The following PCNX2 variants were observed in gnomAD, a reference collection of about 807,000 sequenced individuals.
The protein encoded by PCNX2 is pecanex 2.
Under a neutral mutation model 223.8 loss-of-function variants are expected in PCNX2, and 168 were observed. That is an observed-to-expected ratio of 0.75 (90% CI 0.66 to 0.85). The LOEUF is 0.85. Ranked by LOEUF, PCNX2 falls within the 40% of genes least tolerant of loss-of-function variation. The pLI, the probability that PCNX2 is intolerant of heterozygous loss-of-function variation, is 0.00. For synonymous variants in PCNX2, 1,006 were observed against 1,052.6 expected (o/e 0.96, Z 0.86); for missense variants, 2,507 against 2,675.5 (o/e 0.94, Z 1.39).
intron 15 of PCNX2, among the ~76,000 whole-genome samples, chr1:233,195,092 A>G (rs960557641): frequency 1.3e-5 from 2 of 152,164 alleles, no homozygotes; most frequent in African/African-American, 2.4e-5. Context: ...TTGGTAAATA[A>G]TATTGAGCAA....
chr1:233,108,388 A>C (rs973627685), intron 21 of PCNX2, among the ~76,000 whole-genome samples: 35 of 152,222 alleles, frequency 2.3e-4, no homozygotes, highest in African/African-American at 8.0e-4. Context: ...GATGCAACCA[A>C]AGCTGGTGGG....
chr1:233,125,663 T>G (rs200837861), intron 21 of PCNX2, among the ~76,000 whole-genome samples: 1 of 152,086 alleles, frequency 6.6e-6, no homozygotes, highest in East Asian at 1.9e-4. Flanking sequence ...ACACAAAACG[T>G]CAATGAGACT....
At position 233,295,707 on chromosome 1, in the gene PCNX2, A is replaced by G. The variant is rs1662053700; in HGVS notation, c.-229T>C. On this transcript the variant is annotated 5_prime_UTR_variant, in exon 1 of 34. Transcript: ENST00000258229. The surrounding 1 kb of genome is among the most constrained non-coding windows in gnomAD (Gnocchi z 4.1). The stretch of plus-strand genomic sequence containing the variant: ...GCCGGCTGCTGCGGCCGGGCAGGTG[A>G]GCGCCATGTCCGAGGGAGGAAGGAT... The G allele has an allele frequency of 2.4e-6, 1 of 411,196 alleles. No homozygotes were observed. Among genetic ancestry groups the G allele is most frequent in the Non-Finnish European group, 4.1e-6 (1 of 244,174 alleles). 25.5% of individuals were successfully genotyped at this position (411,196 alleles called of 1,614,324 possible). A position where few individuals can be genotyped will look rare whatever the true frequency, so the allele number is the denominator to read the frequency against.
intron 1 of PCNX2, among the ~76,000 whole-genome samples, chr1:233,263,451 C>T (rs1660166013): frequency 7.4e-6 from 1 of 135,490 alleles, no homozygotes; most frequent in Non-Finnish European, 1.6e-5. Context: ...GAAACCTCTC[C>T]ATTTTTTTTT....
chr1:233,261,236 C>A (rs763861629), intron 4 of PCNX2, 49 bp downstream of exon 4: 4 of 1,503,044 alleles, frequency 2.7e-6, no homozygotes, highest in Non-Finnish European at 3.7e-6. Context: ...ATATTTCTCA[C>A]TTCACTGAGG....
chr1:233,104,391 C>A (rs1461287673), intron 21 of PCNX2, among the ~76,000 whole-genome samples: 1 of 151,816 alleles, frequency 6.6e-6, no homozygotes, highest in African/African-American at 2.4e-5. Context: ...TAATAGTAAG[C>A]AAAATATTGA....
intron 25 of PCNX2, among the ~76,000 whole-genome samples, chr1:233,040,866 A>C (rs1212545076): frequency 1.3e-5 from 2 of 152,212 alleles, no homozygotes; most frequent in East Asian, 3.8e-4. Flanking sequence ...TTTGATTATC[A>C]AAAAATTGCT....
rs71173263 is a variant in PCNX2, at chr1:233,265,093, A to AG, written c.154-1931_154-1930insC. ...CCTCCGATCTCTACAAAATTTAAAA[A>AG]TTAGCCAGGTGTGGTGGCATGCACC... On this transcript the variant is annotated intron_variant, in intron 1 of 33. Coordinates refer to ENST00000258229, the MANE Select transcript of PCNX2 (RefSeq NM_014801.4). 1.1e-3 allele frequency among the ~76,000 whole-genome samples: 171 copies of AG among 151,910 alleles called. No homozygotes were observed. The East Asian group carries it at 0.021, about 19-fold the overall frequency.
At chr1:233,311,200 A>G in the PCNX2 span, among the ~76,000 whole-genome samples, 1 of 152,200 alleles carries the variant, frequency 6.6e-6, no homozygotes, top group Non-Finnish European at 1.5e-5. Flanking sequence ...AGTATTACCT[A>G]CCATAACTAA....
chr1:233,052,476 C>T (rs552692050), intron 25 of PCNX2, among the ~76,000 whole-genome samples: 74 of 152,336 alleles, frequency 4.9e-4, no homozygotes, highest in African/African-American at 1.6e-3. Context: ...ATCACATCTG[C>T]TGCTCCTTAG....
intron 25 of PCNX2, among the ~76,000 whole-genome samples, chr1:233,053,709 G>A (rs976912060): frequency 6.6e-6 from 1 of 152,094 alleles, no homozygotes; most frequent in Admixed American, 6.5e-5. Flanking sequence ...CCTCATTTGC[G>A]GGAAAACTGG....
intron 15 of PCNX2, among the ~76,000 whole-genome samples, chr1:233,185,904 A>G (rs1234891449): frequency 6.6e-6 from 1 of 152,166 alleles, no homozygotes; most frequent in Non-Finnish European, 1.5e-5. Flanking sequence ...CAGGTTTTGA[A>G]ATATTTTTAT....
chr1:233,137,409 T>C (rs1676873908), intron 20 of PCNX2, among the ~76,000 whole-genome samples: 1 of 152,248 alleles, frequency 6.6e-6, no homozygotes, highest in South Asian at 2.1e-4. Context: ...TGCACTGAAT[T>C]GGAATATATG....
intron 19 of PCNX2, among the ~76,000 whole-genome samples, chr1:233,149,462 G>GCA (rs11387220): frequency 6.6e-6 from 1 of 152,032 alleles, no homozygotes; most frequent in East Asian, 1.9e-4. Flanking sequence ...ATTTCAGTGG[G>GCA]GGTGAGGCTT....
intron 28 of PCNX2, among the ~76,000 whole-genome samples, chr1:233,008,553 G>A (rs1164766456): frequency 2.6e-5 from 4 of 152,200 alleles, no homozygotes; most frequent in Admixed American, 2.0e-4. Context: ...GGGACCCAGT[G>A]CACAAGTGGG....
At chr1:233,099,023 A>C (rs1266754457) in intron 21 of PCNX2, among the ~76,000 whole-genome samples, 1 of 152,222 alleles carries the variant, frequency 6.6e-6, no homozygotes. Flanking sequence ...ACTGAAACTT[A>C]CCAAGTCCAG....
At chr1:233,006,940 C>T (rs1038200850) in intron 28 of PCNX2, among the ~76,000 whole-genome samples, 1 of 151,914 alleles carries the variant, frequency 6.6e-6, no homozygotes, top group Non-Finnish European at 1.5e-5. Flanking sequence ...GCATCTCCAC[C>T]TTGGGTACTG....
intron 8 of PCNX2, among the ~76,000 whole-genome samples, chr1:233,237,932 C>T (rs879563422): frequency 1.3e-5 from 2 of 152,094 alleles, no homozygotes; most frequent in Non-Finnish European, 2.9e-5. Flanking sequence ...AGAGAGCTCT[C>T]GGACAAATTT....
At chr1:233,123,715 T>C (rs892795392) in intron 21 of PCNX2, among the ~76,000 whole-genome samples, 2 of 152,186 alleles carry the variant, frequency 1.3e-5, no homozygotes, top group African/African-American at 4.8e-5. Context: ...GACCTAGATA[T>C]GAATGAGAAG....
Sources: gnomAD v4.1 joint callset for allele counts (sites outside exome capture counted in the v4.1 genomes callset) on GRCh38, gnomAD v4.1.1 for gene constraint, Gnocchi (gnomAD v3.1) non-coding constraint, MANE v1.5 for transcripts, NCBI Gene and HGNC (gene_info 2026-07-23, HGNC 2026-07-21) for gene names.